Variants in GK observed in about 807,000 individuals in gnomAD.
GK encodes ATP:glycerol 3-phosphotransferase.
A neutral mutation model predicts 56.4 loss-of-function variants in GK; 9 were observed. That is an observed-to-expected ratio of 0.16 (90% CI 0.10 to 0.28). The LOEUF (loss-of-function observed/expected upper bound fraction) is 0.28, where lower values mean the gene tolerates loss of function less well. GK is among the 10% of genes least tolerant of loss of function. The pLI is 1.00. For synonymous variants in GK, 104 were observed against 144.1 expected, an observed-to-expected ratio of 0.72 and a Z score of 1.99; for missense variants, 161 against 431.4, an observed-to-expected ratio of 0.37 and a Z score of 5.55.
At chrX:30,725,812 C>T (rs765323609) in intron 19 of GK, among the ~76,000 whole-genome samples, 8 of 110,124 alleles carry the variant, frequency 7.3e-5, no homozygotes, top group Non-Finnish European at 1.5e-4. Context: ...CCACCGTGCC[C>T]GGCTAATTTT....
At chrX:30,660,317 C>A (rs1415422463) in intron 1 of GK, among the ~76,000 whole-genome samples, 1 of 110,441 alleles carries the variant, frequency 9.1e-6, no homozygotes, top group African/African-American at 3.3e-5. Context: ...TGTTCACTTT[C>A]CTTGTTTCTT....
chrX:30,677,311 T>C (rs997869222), intron 3 of GK, 64 bp from the exon 4 acceptor site: 8 of 607,728 alleles, frequency 1.3e-5, no homozygotes, highest in Non-Finnish European at 2.0e-5. Context: ...GAGAGCTGTT[T>C]TCCTGAAGTA....
chrX:30,684,247 C>T (rs997837791), intron 4 of GK, among the ~76,000 whole-genome samples: 2 of 112,187 alleles, frequency 1.8e-5, no homozygotes, highest in African/African-American at 6.5e-5. Context: ...AGCTGTATTT[C>T]CCCCTAATTG....
intron 13 of GK, among the ~76,000 whole-genome samples, chrX:30,709,079 C>T (rs1055056644): frequency 1.8e-5 from 2 of 112,483 alleles, no homozygotes; most frequent in African/African-American, 6.5e-5. Flanking sequence ...TGTATCTTAA[C>T]ACTTCTCAGA....
At chrX:30,666,957 A>G (rs1933118792) in intron 2 of GK, among the ~76,000 whole-genome samples, 2 of 111,048 alleles carry the variant, frequency 1.8e-5, no homozygotes, top group Non-Finnish European at 3.8e-5. Flanking sequence ...GATCGAGACC[A>G]TCCTGGCTAA....
rs4829198 is a variant in GK at position 30,724,966 on chromosome X, C to T, written c.1582+785C>T. Among the ~76,000 whole-genome samples, 1,056 of 109,848 alleles carry T rather than the reference C, an allele frequency of 9.6e-3. 36 individuals are homozygous for T. The highest frequency in any genetic ancestry group is 0.089 in the Admixed American group (907 of 10,247). ...CACAATCTTGGCCCACTGCAACCTC[C>T]GCCTCCTGGGTTTAAATGATTTTCG... On this transcript the variant is annotated intron_variant, in intron 19 of 20. Coordinates refer to ENST00000427190, the MANE Select transcript of GK (RefSeq NM_001205019.2).
intron 20 of GK, 63 bp downstream of exon 20, chrX:30,727,615 A>C (rs1274830067): frequency 1.4e-6 from 1 of 719,448 alleles, no homozygotes; most frequent in Non-Finnish European, 2.2e-6. Flanking sequence ...TGTATAACTT[A>C]GCAGAAATTT....
intron 13 of GK, among the ~76,000 whole-genome samples, chrX:30,712,441 T>C (rs1019894545): frequency 9.0e-6 from 1 of 111,516 alleles, no homozygotes; most frequent in Non-Finnish European, 1.9e-5. Flanking sequence ...ACTCATCCTC[T>C]CTATCTAGTC....
At chrX:30,724,936 A>G (rs933021096) in intron 19 of GK, among the ~76,000 whole-genome samples, 1 of 109,092 alleles carries the variant, frequency 9.2e-6, no homozygotes, top group African/African-American at 3.3e-5. Context: ...GCTAGAGTGC[A>G]GTGGCACAAT....
intron 3 of GK, among the ~76,000 whole-genome samples, chrX:30,669,270 C>G (rs774208245): frequency 9.4e-6 from 1 of 106,182 alleles, no homozygotes; most frequent in Non-Finnish European, 1.9e-5. Flanking sequence ...GCAACTTCCA[C>G]CTCCCAGGTT....
At chrX:30,707,254 C>T (rs1459363994) in intron 11 of GK, among the ~76,000 whole-genome samples, 2 of 106,548 alleles carry the variant, frequency 1.9e-5, no homozygotes, top group African/African-American at 6.9e-5. Flanking sequence ...CGCTTGAACT[C>T]GGGAGGCGGA....
At chrX:30,685,796 A>G (rs868236328) in intron 4 of GK, among the ~76,000 whole-genome samples, 23 of 111,979 alleles carry the variant, frequency 2.1e-4, no homozygotes, top group African/African-American at 7.5e-4. Flanking sequence ...TAGCTTTTCC[A>G]CTTCCTACCA....
intron 9 of GK, chrX:30,700,205 G>A: frequency 2.5e-6 from 1 of 392,766 alleles, no homozygotes; most frequent in Non-Finnish European, 4.4e-6. Context: ...AACGTTTTAT[G>A]TTCATTCTCC....
In GK at chrX:30,721,208, T is replaced by C. The variant is rs749262579; in HGVS notation, c.1501+213T>C. On this transcript the variant is annotated intron_variant, in intron 18 of 20. Transcript: ENST00000427190. ...TCAAAAGAACTTCTAAAATCACTTT[T>C]TAAAAATCATTTGCTTTTACTGTTT... The C allele has an allele frequency of 8.0e-5, 36 of 450,059 alleles. No individual in the cohort carries two copies. In the Middle Eastern group the frequency reaches 1.5e-3, roughly 19 times the overall value. The allele number at this position is 450,059 out of a possible 1,213,427, so 37.1% of individuals were successfully genotyped here. A position where few individuals can be genotyped will look rare whatever the true frequency, so the allele number is the denominator to read the frequency against.
chrX:30,667,908 T>C, intron 2 of GK, 104 bp from the exon 3 acceptor site: 1 of 528,265 alleles, frequency 1.9e-6, no homozygotes, highest in Non-Finnish European at 3.4e-6. Flanking sequence ...TCTGGTTTTC[T>C]TTAATGTATG....
chrX:30,682,424 A>G (rs1424509002), intron 4 of GK, among the ~76,000 whole-genome samples: 1 of 111,844 alleles, frequency 8.9e-6, no homozygotes, highest in Non-Finnish European at 1.9e-5. Flanking sequence ...TACAGAAACT[A>G]AGGATAGAAG....
At chrX:30,718,723 A>T in intron 14 of GK, 107 bp downstream of exon 14, 1 of 521,030 alleles carries the variant, frequency 1.9e-6, no homozygotes, top group Non-Finnish European at 3.5e-6. Context: ...TGATCCATAA[A>T]TTATATGGAT....
chrX:30,695,015 T>C, intron 6 of GK: 1 of 313,367 alleles, frequency 3.2e-6, no homozygotes, highest in Admixed American at 3.7e-5. Flanking sequence ...CTAAGCTGAA[T>C]ACACAGCAAT....
chrX:30,656,004 A>C (rs1932240897), intron 1 of GK, among the ~76,000 whole-genome samples: 1 of 112,124 alleles, frequency 8.9e-6, no homozygotes, highest in Non-Finnish European at 1.9e-5. Flanking sequence ...TGATCAGTAA[A>C]ATTGTCCTCT....
Sources: gnomAD v4.1 joint callset for allele counts (sites outside exome capture counted in the v4.1 genomes callset) on GRCh38, gnomAD v4.1.1 for gene constraint, MANE v1.5 for transcripts, NCBI Gene and HGNC (gene_info 2026-07-23, HGNC 2026-07-21) for gene names.